Variants in TRHDE observed in about 807,000 individuals in gnomAD.
TRHDE encodes thyrotropin-releasing hormone-degrading ectoenzyme.
A neutral mutation model predicts 125.7 loss-of-function variants in TRHDE; 72 were observed. The ratio of observed to expected loss-of-function variants is 0.57; its 90% CI spans 0.47 to 0.70. The LOEUF (loss-of-function observed/expected upper bound fraction) is 0.70, where lower values mean the gene tolerates loss of function less well. Among genes scored for constraint, TRHDE ranks in the 30% least tolerant of loss-of-function variants. The pLI is 0.00. For missense variants in TRHDE, 1,110 were observed against 1,327.1 expected (o/e 0.84, Z 2.54); for synonymous variants, 509 against 509.1 (o/e 1.00, Z 0.00).
chr12:72,394,034 A>G (rs1555182714), intron 3 of TRHDE, among the ~76,000 whole-genome samples: 1 of 152,174 alleles, frequency 6.6e-6, no homozygotes, highest in Non-Finnish European at 1.5e-5. Context: ...GGTATATATT[A>G]CCCATTATGT....
At chr12:72,155,214 G>A (rs1876475108) in intron 2 of TRHDE, among the ~76,000 whole-genome samples, 1 of 152,158 alleles carries the variant, frequency 6.6e-6, no homozygotes, top group Non-Finnish European at 1.5e-5. Context: ...CATTCATCAT[G>A]TAGTTCTTGT....
intron 6 of TRHDE, among the ~76,000 whole-genome samples, chr12:72,527,793 TAGAAA>T (rs1868364409): frequency 6.6e-6 from 1 of 152,092 alleles, no homozygotes; most frequent in African/African-American, 2.4e-5. Context: ...AATAAAATAT[TAGAAA>T]AGAAAAACTA....
chr12:72,261,218 T>C (rs573935369), intron 2 of TRHDE, among the ~76,000 whole-genome samples: 2 of 152,326 alleles, frequency 1.3e-5, no homozygotes, highest in East Asian at 3.9e-4. Context: ...TTCCCAGATC[T>C]TGATGGTACC....
chr12:72,576,572 A>C (rs1871005023), intron 12 of TRHDE, among the ~76,000 whole-genome samples: 1 of 152,092 alleles, frequency 6.6e-6, no homozygotes, highest in Admixed American at 6.6e-5. Context: ...CAAATTACAG[A>C]GATTGATTTT....
intron 3 of TRHDE, among the ~76,000 whole-genome samples, chr12:72,386,380 A>G (rs1363634314): frequency 6.6e-6 from 1 of 152,112 alleles, no homozygotes; most frequent in African/African-American, 2.4e-5. Context: ...TGTTTCCCCT[A>G]TTACTATGGG....
intron 2 of TRHDE, among the ~76,000 whole-genome samples, chr12:72,288,334 C>T (rs1879967780): frequency 1.3e-5 from 2 of 152,022 alleles, no homozygotes; most frequent in Non-Finnish European, 1.5e-5. Context: ...CATTGTGGGA[C>T]CTGTTTAAAA....
chr12:72,395,712 A>G (rs1287781467), intron 3 of TRHDE, among the ~76,000 whole-genome samples: 5 of 152,124 alleles, frequency 3.3e-5, no homozygotes, highest in Admixed American at 6.5e-5. Context: ...TGCTTATTCT[A>G]TGCCTGCATT....
intron 2 of TRHDE, among the ~76,000 whole-genome samples, chr12:72,354,441 A>G (rs1870722390): frequency 6.6e-6 from 1 of 151,284 alleles, no homozygotes; most frequent in Non-Finnish European, 1.5e-5. Flanking sequence ...CATGATCTTA[A>G]TGGGCAGAAA....
chr12:72,525,404 C>T (rs59052343), intron 6 of TRHDE, among the ~76,000 whole-genome samples: 2 of 151,726 alleles, frequency 1.3e-5, no homozygotes, highest in Admixed American at 1.3e-4. Context: ...TCTTTTAAAA[C>T]TAAATAATAT....
chr12:72,400,123 G>A (rs567353986), intron 3 of TRHDE, among the ~76,000 whole-genome samples: 10 of 152,156 alleles, frequency 6.6e-5, no homozygotes, highest in African/African-American at 2.4e-4. Flanking sequence ...CTTATTGGGT[G>A]AATATAGAGT....
chr12:72,167,462 A>T (rs948659512), intron 2 of TRHDE: 1 of 152,196 alleles, frequency 6.6e-6, no homozygotes, highest in Non-Finnish European at 1.5e-5. Context: ...CAAAGCTAAC[A>T]TCTGAGGACT....
At chr12:72,390,072 C>A (rs1468798022) in intron 3 of TRHDE, among the ~76,000 whole-genome samples, 1 of 152,190 alleles carries the variant, frequency 6.6e-6, no homozygotes, top group Non-Finnish European at 1.5e-5. Context: ...GAGACTGTGA[C>A]AAGCTTGAAA....
At chr12:72,228,139 T>C (rs1878173005) in intron 2 of TRHDE, among the ~76,000 whole-genome samples, 1 of 152,194 alleles carries the variant, frequency 6.6e-6, no homozygotes, top group African/African-American at 2.4e-5. Flanking sequence ...GGACTCTGTG[T>C]GGGGGCTCCA....
At chr12:72,467,441 G>A (rs537207604) in intron 3 of TRHDE, among the ~76,000 whole-genome samples, 1 of 151,772 alleles carries the variant, frequency 6.6e-6, no homozygotes, top group Non-Finnish European at 1.5e-5. Flanking sequence ...TCGTGTTATA[G>A]CTGTTATGCA....
At chr12:72,434,802 A>T (rs1002369298) in intron 3 of TRHDE, among the ~76,000 whole-genome samples, 2 of 152,092 alleles carry the variant, frequency 1.3e-5, no homozygotes, top group African/African-American at 4.8e-5. Flanking sequence ...CACTCCCAAC[A>T]CTTTCACACT....
At chr12:72,429,273 C>T (rs1301419280) in intron 3 of TRHDE, among the ~76,000 whole-genome samples, 2 of 151,248 alleles carry the variant, frequency 1.3e-5, no homozygotes, top group Non-Finnish European at 2.9e-5. Context: ...CAGCAAACCA[C>T]CATGACATGT....
At chr12:72,201,626 TG>T (rs1877562273) in intron 2 of TRHDE, among the ~76,000 whole-genome samples, 2 of 151,584 alleles carry the variant, frequency 1.3e-5, no homozygotes, top group South Asian at 4.2e-4. Context: ...GGGAGGGCAG[TG>T]AAGTATGCTG....
At chr12:72,153,412 C>T (rs1490432787) in intron 2 of TRHDE, among the ~76,000 whole-genome samples, 1 of 152,090 alleles carries the variant, frequency 6.6e-6, no homozygotes, top group African/African-American at 2.4e-5. Flanking sequence ...CTGCTCTGAT[C>T]TTAGTTATTT....
intron 3 of TRHDE, among the ~76,000 whole-genome samples, chr12:72,408,255 G>A (rs1331928972): frequency 6.6e-6 from 1 of 152,274 alleles, no homozygotes; most frequent in Non-Finnish European, 1.5e-5. Flanking sequence ...AGGAAAGAGG[G>A]ATAAAGTTTC....
Sources: allele counts gnomAD v4.1 joint callset (sites outside exome capture counted in the v4.1 genomes callset), GRCh38; gene constraint gnomAD v4.1.1; transcripts MANE v1.5; gene names NCBI Gene and HGNC (gene_info 2026-07-23, HGNC 2026-07-21).